Variants in CNTN1 observed in about 807,000 individuals in gnomAD.
The protein encoded by CNTN1 is contactin-1.
In CNTN1, 38 loss-of-function variants were observed where a neutral mutation model predicts 126.4. That is an observed-to-expected ratio of 0.30 (90% CI 0.23 to 0.39). CNTN1 has a LOEUF of 0.39. Among genes scored for constraint, CNTN1 ranks in the 10% least tolerant of loss-of-function variants. The pLI is 1.00. For synonymous variants in CNTN1, 413 were observed against 422.6 expected, an observed-to-expected ratio of 0.98 and a Z score of 0.28; for missense variants, 1,009 against 1,248.4, an observed-to-expected ratio of 0.81 and a Z score of 2.89.
chr12:40,924,617 TG>T lies in CNTN1; in HGVS notation c.463del (p.Val155CysfsTer20). On this transcript the variant is annotated frameshift_variant, in exon 6 of 24. Transcript: ENST00000551295. LOFTEE classifies it high-confidence loss of function. The part of the protein sequence containing the change: ...PEVRVKEGKG[M>X]VLLCDPPYHF... ...GTCAGAGTAAAAGAAGGGAAAGGAATGGTGCTTCTCTGTGACCCCCCATACC... is the reference window on the plus strand; with the variant it reads ...GTCAGAGTAAAAGAAGGGAAAGGAATGTGCTTCTCTGTGACCCCCCATACC... 6.2e-7 allele frequency: 1 copy of T among 1,607,836 alleles called. No homozygotes were observed. The highest frequency in any genetic ancestry group is 8.5e-7 in the Non-Finnish European group (1 of 1,174,776).
intron 1 of CNTN1, among the ~76,000 whole-genome samples, chr12:40,701,581 TGTAGA>T (rs775017902): frequency 4.3e-4 from 66 of 152,180 alleles, no homozygotes; most frequent in Non-Finnish European, 8.7e-4. Flanking sequence ...AACTTTCCTT[TGTAGA>T]GTATTTTTAT....
chr12:41,005,688 A>G (rs146077875), intron 17 of CNTN1, among the ~76,000 whole-genome samples: 143 of 151,970 alleles, frequency 9.4e-4, no homozygotes, highest in African/African-American at 3.2e-3. Flanking sequence ...CTCTGAGATT[A>G]TTTCCTCTGC....
intron 1 of CNTN1, among the ~76,000 whole-genome samples, chr12:40,787,226 T>C (rs1465578675): frequency 6.6e-6 from 1 of 152,178 alleles, no homozygotes; most frequent in Admixed American, 6.6e-5. Context: ...TTTTATCTTA[T>C]ATAATTTTCG....
intron 12 of CNTN1, among the ~76,000 whole-genome samples, chr12:40,942,144 G>A (rs1283679248): frequency 6.6e-6 from 1 of 152,154 alleles, no homozygotes; most frequent in Admixed American, 6.6e-5. Context: ...TTAAATGAAA[G>A]GGATGTGGGA....
At chr12:40,947,897 T>G (rs1946496129) in intron 14 of CNTN1, among the ~76,000 whole-genome samples, 1 of 151,826 alleles carries the variant, frequency 6.6e-6, no homozygotes, top group Non-Finnish European at 1.5e-5. Flanking sequence ...GCCTGTCTTA[T>G]ATGAATTCAT....
chr12:41,004,407 T>C (rs932695439), intron 17 of CNTN1, among the ~76,000 whole-genome samples: 8 of 152,222 alleles, frequency 5.3e-5, no homozygotes, highest in Admixed American at 1.3e-4. Flanking sequence ...GAGAAGAATA[T>C]ATATTCTGTT....
chr12:40,720,883 C>G (rs576028143), intron 1 of CNTN1, among the ~76,000 whole-genome samples: 6 of 151,538 alleles, frequency 4.0e-5, no homozygotes, highest in Non-Finnish European at 8.8e-5. Flanking sequence ...GAGCTGAGAT[C>G]GCACCACTGC....
chr12:41,018,598 A>ATG (rs1263511971), intron 19 of CNTN1, among the ~76,000 whole-genome samples: 2 of 151,088 alleles, frequency 1.3e-5, no homozygotes, highest in Non-Finnish European at 2.9e-5. Flanking sequence ...TAAAGTATAT[A>ATG]TGTGTGTATA....
At chr12:40,872,212 TTGTGTG>T (rs61187240) in intron 1 of CNTN1, among the ~76,000 whole-genome samples, 26,798 of 113,226 alleles carry the variant, frequency 0.24, 2,599 homozygotes, top group Admixed American at 0.3. Flanking sequence ...GTTGCTTTGT[TTGTGTG>T]TGTGTGTGTG....
intron 23 of CNTN1, among the ~76,000 whole-genome samples, chr12:41,054,772 G>A (rs1238096451): frequency 6.6e-6 from 1 of 152,084 alleles, no homozygotes; most frequent in African/African-American, 2.4e-5. Flanking sequence ...TTTAGAGAAT[G>A]TCAAGTCATG....
chr12:40,704,990 A>G (rs1941702755), intron 1 of CNTN1, among the ~76,000 whole-genome samples: 1 of 152,092 alleles, frequency 6.6e-6, no homozygotes, highest in South Asian at 2.1e-4. Flanking sequence ...AAATCCCTCT[A>G]TTTTCTGATA....
chr12:40,977,833 C>G (rs1201840746), intron 15 of CNTN1, among the ~76,000 whole-genome samples: 1 of 151,438 alleles, frequency 6.6e-6, no homozygotes, highest in South Asian at 2.1e-4. Flanking sequence ...AAAGGAGTCT[C>G]ACTCTGTCAC....
intron 1 of CNTN1, among the ~76,000 whole-genome samples, chr12:40,724,812 T>C (rs765173428): frequency 6.6e-6 from 1 of 152,152 alleles, no homozygotes; most frequent in Non-Finnish European, 1.5e-5. Context: ...AGAATAAGAA[T>C]CATGGATGAG....
At chr12:40,730,733 C>A (rs919655931) in intron 1 of CNTN1, among the ~76,000 whole-genome samples, 1 of 152,102 alleles carries the variant, frequency 6.6e-6, no homozygotes, top group Non-Finnish European at 1.5e-5. Context: ...AAGAGAATAT[C>A]TTTTCCAGAG....
At chr12:40,920,309 C>T (rs527303116) in intron 4 of CNTN1, among the ~76,000 whole-genome samples, 47 of 149,228 alleles carry the variant, frequency 3.1e-4, no homozygotes, top group African/African-American at 1.0e-3. Context: ...CCCCATGCCC[C>T]CACCCCACAG....
intron 23 of CNTN1, among the ~76,000 whole-genome samples, chr12:41,065,527 G>A (rs1483855596): frequency 6.6e-6 from 1 of 152,218 alleles, no homozygotes; most frequent in Non-Finnish European, 1.5e-5. Context: ...AAGGAGAAGT[G>A]TCTTATGTAA....
intron 23 of CNTN1, among the ~76,000 whole-genome samples, chr12:41,042,794 A>G (rs1949446277): frequency 6.6e-6 from 1 of 152,164 alleles, no homozygotes; most frequent in African/African-American, 2.4e-5. Flanking sequence ...ACTGGTACCA[A>G]AACAGAGATA....
intron 1 of CNTN1, among the ~76,000 whole-genome samples, chr12:40,823,035 TG>T (rs1259445968): frequency 3.3e-5 from 5 of 152,152 alleles, no homozygotes; most frequent in Admixed American, 6.5e-5. Flanking sequence ...AATGATGTAA[TG>T]GGGGTATATA....
At chr12:40,778,979 A>T (rs1233578885) in intron 1 of CNTN1, among the ~76,000 whole-genome samples, 1 of 151,584 alleles carries the variant, frequency 6.6e-6, no homozygotes, top group Non-Finnish European at 1.5e-5. Context: ...TCCTTTTCAT[A>T]TGGAAAAATG....
Sources: allele counts gnomAD v4.1 joint callset (sites outside exome capture counted in the v4.1 genomes callset), GRCh38; gene constraint gnomAD v4.1.1; transcripts MANE v1.5; gene names NCBI Gene and HGNC (gene_info 2026-07-23, HGNC 2026-07-21).